PHF20: variants seen among roughly 807,000 people sequenced by gnomAD.
The protein encoded by PHF20 is glioma-expressed antigen 2.
In PHF20, 23 loss-of-function variants were observed where a neutral mutation model predicts 113.5. That is an observed-to-expected ratio of 0.20 (90% CI 0.15 to 0.29). PHF20 has a LOEUF of 0.29. PHF20 is among the 10% of genes least tolerant of loss of function. The probability of loss-of-function intolerance (pLI) is 1.00; values close to 1 mark genes in which losing one functional copy is unlikely to be tolerated. For synonymous variants in PHF20, 434 were observed against 457.3 expected (o/e 0.95, Z 0.65); for missense variants, 943 against 1,219.6 (o/e 0.77, Z 3.38).
rs1268842926 is a variant in PHF20, at chr20:35,931,325, A to G, written c.2181A>G (p.Leu727=). ...SRGHMHGLAF[L]EENYSHQNAK... ...GACATATGCATGGCCTGGCATTTCT[A>G]GAAGAGAACTACTCCCATCAGAATG... The change falls in exon 15 of 18, where the codon CTA becomes CTG. Residue 727 remains leucine (L), a synonymous_variant. Coordinates refer to ENST00000374012, the MANE Select transcript of PHF20 (RefSeq NM_016436.5). The G allele has an allele frequency of 2.5e-6, 4 of 1,614,104 alleles. No homozygotes were observed. Among genetic ancestry groups the G allele is most frequent in the Non-Finnish European group, 2.5e-6 (3 of 1,180,004 alleles).
intron 15 of PHF20, among the ~76,000 whole-genome samples, chr20:35,935,767 A>G (rs1312889561): frequency 6.6e-6 from 1 of 152,236 alleles, no homozygotes; most frequent in Non-Finnish European, 1.5e-5. Flanking sequence ...AGAAGAGGGC[A>G]TAGGAAGATC....
rs777867948 is a variant in PHF20 at position 35,869,484 on chromosome 20, GAGA to G, written c.861_863del (p.Arg288del). ...CTTTGCAACCAATAACATTGGAACT[GAGA>G]AGAAGGAAAATATCAAAAGGATGTG... On this transcript the variant is annotated inframe_deletion, in exon 7 of 18. Coordinates refer to ENST00000374012, the MANE Select transcript of PHF20 (RefSeq NM_016436.5). The G allele has an allele frequency of 2.5e-6, 4 of 1,612,334 alleles. No homozygotes were observed. The Admixed American group carries it at 5.0e-5, about 20-fold the overall frequency.
At chr20:35,811,412 T>C (rs1272016105) in intron 2 of PHF20, among the ~76,000 whole-genome samples, 1 of 151,982 alleles carries the variant, frequency 6.6e-6, no homozygotes, top group Admixed American at 6.6e-5. Flanking sequence ...TTATTTGTTC[T>C]TATTTTTGGG....
intron 2 of PHF20, among the ~76,000 whole-genome samples, chr20:35,809,603 G>A (rs2146880277): frequency 6.6e-6 from 1 of 151,408 alleles, no homozygotes; most frequent in Admixed American, 6.6e-5. Context: ...AGATAATCCA[G>A]CTGGGCATGG....
chr20:35,891,658 C>G (rs899650864), intron 9 of PHF20, among the ~76,000 whole-genome samples: 4 of 152,028 alleles, frequency 2.6e-5, no homozygotes, highest in Admixed American at 2.6e-4. Context: ...GAACTGGCAG[C>G]CTTTATTGTG....
At chr20:35,828,289 G>T (rs1230465625) in intron 2 of PHF20, among the ~76,000 whole-genome samples, 1 of 152,136 alleles carries the variant, frequency 6.6e-6, no homozygotes, top group Non-Finnish European at 1.5e-5. Flanking sequence ...TTCTCAAAGT[G>T]CTGGGATTAT....
chr20:35,912,258 G>A (rs1243418775), intron 10 of PHF20, among the ~76,000 whole-genome samples: 2 of 151,976 alleles, frequency 1.3e-5, no homozygotes, highest in Admixed American at 1.3e-4. Flanking sequence ...GATTACAGGC[G>A]TGAGCCACCG....
rs2056126207 is a variant in PHF20 at position 35,948,590 on chromosome 20, A to C, written c.*963A>C. ...GGTGTTTAGTAGTCAGCGTTTTCAG[A>C]ATTGTTTTGTTACTATACTTTAACA... On this transcript the variant is annotated 3_prime_UTR_variant, in exon 18 of 18. Coordinates refer to ENST00000374012, the MANE Select transcript of PHF20 (RefSeq NM_016436.5). The C allele has an allele frequency of 6.6e-6, 1 of 152,594 alleles. No homozygotes were observed. Among genetic ancestry groups the C allele is most frequent in the Non-Finnish European group, 1.5e-5 (1 of 68,038 alleles). 9.5% of individuals were successfully genotyped at this position (152,594 alleles called of 1,614,324 possible).
At chr20:35,814,919 T>C (rs549914489) in intron 2 of PHF20, among the ~76,000 whole-genome samples, 1 of 146,262 alleles carries the variant, frequency 6.8e-6, no homozygotes, top group Non-Finnish European at 1.5e-5. Context: ...AAATAGGCCA[T>C]GCATAGTAGC....
intron 15 of PHF20, among the ~76,000 whole-genome samples, chr20:35,934,295 T>C (rs902331754): frequency 2.0e-5 from 3 of 152,188 alleles, no homozygotes; most frequent in African/African-American, 4.8e-5. Flanking sequence ...TGGGTCTGCG[T>C]TGGTTTGGGT....
intron 17 of PHF20, among the ~76,000 whole-genome samples, chr20:35,944,391 G>A (rs958205443): frequency 6.6e-6 from 1 of 152,026 alleles, no homozygotes; most frequent in African/African-American, 2.4e-5. Flanking sequence ...TGCCTCCTGG[G>A]CCACCGTAGT....
rs1230695254 is a variant in PHF20, at chr20:35,943,952, A to G, written c.2896+2905A>G. On this transcript the variant is annotated intron_variant, in intron 17 of 17. Coordinates refer to ENST00000374012, the MANE Select transcript of PHF20 (RefSeq NM_016436.5). ...ACTTTAAAACTAAAAGACAAAGGAT[A>G]TTTAATGACCATGAAAAGTAAAAAA... 2.6e-5 allele frequency among the ~76,000 whole-genome samples: 4 copies of G among 151,154 alleles called. No homozygotes were observed. In the East Asian group the frequency reaches 7.7e-4, roughly 29 times the overall value.
At chr20:35,803,982 G>C (rs566503010) in intron 2 of PHF20, among the ~76,000 whole-genome samples, 1 of 151,874 alleles carries the variant, frequency 6.6e-6, no homozygotes, top group South Asian at 2.1e-4. Flanking sequence ...AGCCCTCCAT[G>C]TATCTGGGAC....
intron 6 of PHF20, among the ~76,000 whole-genome samples, chr20:35,868,960 G>A (rs2146985315): frequency 6.6e-6 from 1 of 151,250 alleles, no homozygotes; most frequent in East Asian, 2.0e-4. Context: ...GTGTGGTGTC[G>A]GGTGCCTGTA....
rs1464066627 is a variant in PHF20, at chr20:35,914,959, G to A, written c.1825+762G>A. Among the ~76,000 whole-genome samples, 15 of 122,922 alleles carry A rather than the reference G, an allele frequency of 1.2e-4. No homozygotes were observed. In the South Asian group the frequency reaches 2.3e-3, roughly 19 times the overall value. 80.6% of individuals were successfully genotyped at this position (122,922 alleles called of 152,430 possible). A position where few individuals can be genotyped will look rare whatever the true frequency, so the allele number is the denominator to read the frequency against. On this transcript the variant is annotated intron_variant, in intron 12 of 17. Coordinates refer to ENST00000374012, the MANE Select transcript of PHF20 (RefSeq NM_016436.5). ...AGCCTGGGTGACAAAGCCAGACTCCGTCTCAAAAAAAAAAAAAAAACAGTA... is the reference window on the plus strand; with the variant it reads ...AGCCTGGGTGACAAAGCCAGACTCCATCTCAAAAAAAAAAAAAAAACAGTA...
intron 2 of PHF20, among the ~76,000 whole-genome samples, chr20:35,813,245 C>G (rs1329417657): frequency 6.6e-6 from 1 of 151,934 alleles, no homozygotes; most frequent in South Asian, 2.1e-4. Context: ...GCTGGGATTA[C>G]AGGCGCGGTG....
intron 9 of PHF20, among the ~76,000 whole-genome samples, chr20:35,882,669 G>A (rs2054656451): frequency 6.6e-6 from 1 of 152,146 alleles, no homozygotes; most frequent in South Asian, 2.1e-4. Context: ...CTCCGCCTTG[G>A]CCTCCCAAAG....
chr20:35,856,163 CA>C (rs966877036), intron 4 of PHF20, among the ~76,000 whole-genome samples: 16 of 152,062 alleles, frequency 1.1e-4, no homozygotes, highest in Admixed American at 3.9e-4. Context: ...TCCGTAAGTT[CA>C]ATTGTTTTAA....
chr20:35,935,460 G>A (rs2055846290), intron 15 of PHF20, among the ~76,000 whole-genome samples: 1 of 152,136 alleles, frequency 6.6e-6, no homozygotes, highest in South Asian at 2.1e-4. Context: ...TCTGCCTCCC[G>A]AGTTCAAGCG....
Sources: allele counts gnomAD v4.1 joint callset (sites outside exome capture counted in the v4.1 genomes callset), GRCh38; gene constraint gnomAD v4.1.1; transcripts MANE v1.5; gene names NCBI Gene and HGNC (gene_info 2026-07-23, HGNC 2026-07-21).